Variants in FAM153A observed in about 807,000 individuals in gnomAD.
FAM153A encodes the protein protein FAM153A.
FAM153A carries 12 observed loss-of-function variants against 48.1 expected under a neutral mutation model. The ratio of observed to expected loss-of-function variants is 0.25; its 90% CI spans 0.16 to 0.40. FAM153A has a LOEUF of 0.40. Among genes scored for constraint, FAM153A ranks in the 10% least tolerant of loss-of-function variants. The pLI, the probability that FAM153A is intolerant of heterozygous loss-of-function variation, is 1.00. For synonymous variants in FAM153A, 36 were observed against 118.2 expected (o/e 0.30, Z 4.51); for missense variants, 111 against 345.8 (o/e 0.32, Z 5.38).
chr5:177,710,733 GA>G (rs1169721719), downstream of FAM153A, among the ~76,000 whole-genome samples: 1 of 145,498 alleles, frequency 6.9e-6, no homozygotes, highest in Admixed American at 6.8e-5. Flanking sequence ...TCAACATGGT[GA>G]AACCTTGTCT....
intron 24 of FAM153A, among the ~76,000 whole-genome samples, chr5:177,716,964 A>AGTGTGTGTGTAT (rs1554136848): frequency 9.4e-5 from 12 of 127,734 alleles, no homozygotes; most frequent in African/African-American, 3.7e-4. Flanking sequence ...ATTCCCGCTT[A>AGTGTGTGTGTAT]GTGTGTGTGT....
chr5:177,698,610 C>T, the FAM153A span, among the ~76,000 whole-genome samples: 2 of 151,926 alleles, frequency 1.3e-5, no homozygotes, highest in Non-Finnish European at 2.9e-5. Context: ...TAAGTTATTA[C>T]ATATATTGAT....
intron 18 of FAM153A, among the ~76,000 whole-genome samples, 167 bp from the exon 21 acceptor site, chr5:177,724,988 G>A (rs1269912002): frequency 6.7e-6 from 1 of 148,950 alleles, no homozygotes; most frequent in African/African-American, 2.6e-5. Context: ...CTTCTCCACA[G>A]CCTGTATCAT....
chr5:177,718,709 GAA>G (rs1323371608), downstream of FAM153A: 309 of 133,308 alleles, frequency 2.3e-3, 27 homozygotes, highest in African/African-American at 8.0e-3. Flanking sequence ...ATAAAATTAA[GAA>G]AAAATAAAAC....
At chr5:177,702,663 G>C in the FAM153A span, among the ~76,000 whole-genome samples, 1 of 151,858 alleles carries the variant, frequency 6.6e-6, no homozygotes, top group African/African-American at 2.4e-5. Context: ...TTCTGGGCCA[G>C]ACCTAGGGCT....
At chr5:177,706,401 G>A (rs1380832768), downstream of FAM153A, among the ~76,000 whole-genome samples, 12 of 151,052 alleles carry the variant, frequency 7.9e-5, no homozygotes, top group East Asian at 3.9e-4. Context: ...GGGTTTCACC[G>A]TGTTAGCCAG....
intron 1 of FAM153A, among the ~76,000 whole-genome samples, chr5:177,776,647 G>A (rs1297689170): frequency 1.7e-5 from 1 of 59,928 alleles, no homozygotes; most frequent in Non-Finnish European, 3.2e-5. Flanking sequence ...ATGCTCATGG[G>A]TAGGAAGAAT....
At chr5:177,713,553 G>A (rs1042566017) in intron 26 of FAM153A, among the ~76,000 whole-genome samples, 8 of 151,316 alleles carry the variant, frequency 5.3e-5, no homozygotes, top group African/African-American at 2.0e-4. Context: ...AACCGTGCTC[G>A]GTCATCTTAC....
At chr5:177,754,868 T>C (rs1475282288), upstream of FAM153A, among the ~76,000 whole-genome samples, 1 of 151,716 alleles carries the variant, frequency 6.6e-6, no homozygotes, top group African/African-American at 2.4e-5. Context: ...CAAGGGCAGA[T>C]AAAACCACAA....
At chr5:177,755,697 A>G, upstream of FAM153A, among the ~76,000 whole-genome samples, 1 of 151,696 alleles carries the variant, frequency 6.6e-6, no homozygotes, top group Non-Finnish European at 1.5e-5. Context: ...TCTTAAAGAA[A>G]AGAATTTTCA....
At chr5:177,754,999 C>A (rs1268231641), upstream of FAM153A, among the ~76,000 whole-genome samples, 1 of 151,910 alleles carries the variant, frequency 6.6e-6, no homozygotes, top group Admixed American at 6.5e-5. Flanking sequence ...ATGACTTTGA[C>A]GAGTAGAGAA....
downstream of FAM153A, among the ~76,000 whole-genome samples, chr5:177,705,175 G>T (rs1160080271): frequency 4.7e-5 from 7 of 150,238 alleles, no homozygotes; most frequent in Non-Finnish European, 7.4e-5. Flanking sequence ...ATGGTGGCAT[G>T]TGCTTATAAT....
At chr5:177,731,112 G>GTTTTTTT (rs1199822658) in intron 16 of FAM153A, among the ~76,000 whole-genome samples, 1 of 53,076 alleles carries the variant, frequency 1.9e-5, no homozygotes, top group Non-Finnish European at 3.5e-5. Flanking sequence ...AGTTTGTTGG[G>GTTTTTTT]TTTTTTTTTT....
intron 1 of FAM153A, among the ~76,000 whole-genome samples, chr5:177,758,645 A>C (rs1165717038): frequency 6.7e-6 from 1 of 149,964 alleles, no homozygotes; most frequent in Non-Finnish European, 1.5e-5. Flanking sequence ...CCAATGGAAC[A>C]GAACAGAGCC....
the FAM153A span, among the ~76,000 whole-genome samples, chr5:177,702,176 G>A: frequency 1.6e-4 from 24 of 151,942 alleles, no homozygotes; most frequent in Admixed American, 1.3e-3. Context: ...CCACAGTGCT[G>A]GGATTACAAG....
At chr5:177,722,057 T>A (rs1180117639), downstream of FAM153A, 2 of 150,290 alleles carry the variant, frequency 1.3e-5, no homozygotes, top group East Asian at 2.0e-4. Context: ...AAGAAAAAAA[T>A]GTAAAATGGA....
intron 1 of FAM153A, among the ~76,000 whole-genome samples, chr5:177,758,616 T>A (rs11741768): frequency 6.8e-6 from 1 of 146,408 alleles, no homozygotes; most frequent in Admixed American, 6.8e-5. Context: ...TGGTACTGGT[T>A]CCAAAACAGA....
At chr5:177,696,042 A>G in the FAM153A span, among the ~76,000 whole-genome samples, 2 of 122,288 alleles carry the variant, frequency 1.6e-5, no homozygotes, top group Admixed American at 8.6e-5. Flanking sequence ...GCGGCCGGGC[A>G]GAGGCGCTCC....
At chr5:177,718,950 A>G (rs1760480241), downstream of FAM153A, among the ~76,000 whole-genome samples, 1 of 151,390 alleles carries the variant, frequency 6.6e-6, no homozygotes, top group Admixed American at 6.6e-5. Context: ...GTGTGATCTC[A>G]GCTCACTGCA....
Sources: allele counts gnomAD v4.1 joint callset (sites outside exome capture counted in the v4.1 genomes callset), GRCh38; gene constraint gnomAD v4.1.1; transcripts MANE v1.5; gene names NCBI Gene and HGNC (gene_info 2026-07-23, HGNC 2026-07-21).